The following TCF12 variants were observed in gnomAD, a reference collection of about 807,000 sequenced individuals.
The protein encoded by TCF12 is transcription factor 12.
In TCF12, 45 loss-of-function variants were observed where a neutral mutation model predicts 86.0. That is an observed-to-expected ratio of 0.52 (90% CI 0.41 to 0.67). TCF12 has a LOEUF of 0.67. Among genes scored for constraint, TCF12 ranks in the 30% least tolerant of loss-of-function variants. TCF12 has a pLI of 0.00. For synonymous variants in TCF12, 330 were observed against 299.6 expected, an observed-to-expected ratio of 1.10 and a Z score of -1.05; for missense variants, 881 against 859.9, an observed-to-expected ratio of 1.02 and a Z score of -0.31.
At chr15:57,200,534 A>T (rs2151757670) in intron 8 of TCF12, among the ~76,000 whole-genome samples, 1 of 152,346 alleles carries the variant, frequency 6.6e-6, no homozygotes, top group South Asian at 2.1e-4. Context: ...TGGCAGTAGC[A>T]TTCAGGATTT....
At chr15:57,098,412 G>T (rs1319965440) in intron 5 of TCF12, among the ~76,000 whole-genome samples, 2 of 152,104 alleles carry the variant, frequency 1.3e-5, no homozygotes, top group Non-Finnish European at 2.9e-5. Flanking sequence ...GAGTTGTTGA[G>T]TACCTTCCTC....
intron 6 of TCF12, among the ~76,000 whole-genome samples, chr15:57,188,412 G>C (rs1396096017): frequency 1.3e-5 from 2 of 152,136 alleles, no homozygotes; most frequent in Non-Finnish European, 2.9e-5. Flanking sequence ...GCAATCTGTG[G>C]ATTCAATGCA....
chr15:57,019,531 G>A (rs780665102), intron 3 of TCF12, among the ~76,000 whole-genome samples: 10 of 152,070 alleles, frequency 6.6e-5, no homozygotes, highest in Non-Finnish European at 1.0e-4. Flanking sequence ...GGAGGATAGG[G>A]AATTATCCTG....
chr15:57,027,867 C>T (rs546139750), intron 3 of TCF12, among the ~76,000 whole-genome samples: 133 of 152,272 alleles, frequency 8.7e-4, no homozygotes, highest in African/African-American at 2.7e-3. Flanking sequence ...TCTTGCCTGC[C>T]GCCATGCAAG....
intron 3 of TCF12, among the ~76,000 whole-genome samples, chr15:56,929,608 T>C (rs569789912): frequency 1.3e-5 from 2 of 152,232 alleles, no homozygotes; most frequent in South Asian, 4.2e-4. Flanking sequence ...AAAGATCACA[T>C]TTAAAGATCC....
chr15:57,283,906 A>G (rs547776313), intron 20 of TCF12, among the ~76,000 whole-genome samples: 1 of 152,330 alleles, frequency 6.6e-6, no homozygotes, highest in South Asian at 2.1e-4. Context: ...AGAAGATTTC[A>G]TTTAGGGTAA....
At chr15:57,057,275 C>G (rs1408299697) in intron 3 of TCF12, among the ~76,000 whole-genome samples, 1 of 152,208 alleles carries the variant, frequency 6.6e-6, no homozygotes, top group Non-Finnish European at 1.5e-5. Flanking sequence ...ATTCTATCCT[C>G]ACTTTCTAGT....
At chr15:57,236,579 T>A (rs1234850559) in intron 12 of TCF12, among the ~76,000 whole-genome samples, 1 of 152,204 alleles carries the variant, frequency 6.6e-6, no homozygotes, top group Non-Finnish European at 1.5e-5. Flanking sequence ...TTGTCTAATA[T>A]ATGTCTTAAA....
intron 13 of TCF12, 156 bp from the exon 14 acceptor site, chr15:57,251,194 G>A (rs886714155): frequency 4.0e-6 from 2 of 498,240 alleles, no homozygotes; most frequent in Admixed American, 7.5e-5. Context: ...TTTTTAAAAT[G>A]TGTTGGGCTT....
chr15:56,974,617 A>AGC (rs2062509922), intron 3 of TCF12, among the ~76,000 whole-genome samples: 1 of 152,086 alleles, frequency 6.6e-6, no homozygotes, highest in African/African-American at 2.4e-5. Context: ...TAGTATTTAC[A>AGC]ACAATCCTGC....
rs561058382 is a variant in TCF12, at chr15:57,026,123, T to C, written c.149-37627T>C. Among the ~76,000 whole-genome samples, 11 of 152,328 alleles carry C rather than the reference T, an allele frequency of 7.2e-5. No individual in the cohort carries two copies. In the South Asian group the frequency reaches 1.7e-3, roughly 23 times the overall value. On this transcript the variant is annotated intron_variant, in intron 3 of 20. Transcript: ENST00000333725. Reference sequence around the variant, plus strand: ...CTTTTTGGAAAGGACCAGGTAAACATTGTGGGCTTTGTGTCACCACTTAAC... The same window carrying C: ...CTTTTTGGAAAGGACCAGGTAAACACTGTGGGCTTTGTGTCACCACTTAAC...
rs75434385 is a variant in TCF12 at position 57,252,882 on chromosome 15, C to G, written c.1261-380C>G. On this transcript the variant is annotated intron_variant, in intron 15 of 20. Transcript: ENST00000333725. ...ACTTACTGGATTTGAGGTCCCTTCC[C>G]CAAATTGCCATCATTCAAAGATCAG... Among the ~76,000 whole-genome samples the G allele has an allele frequency of 2.6e-3, 389 of 151,592 alleles. 1 individual carries two copies. Among genetic ancestry groups the G allele is most frequent in the African/African-American group, 8.9e-3 (367 of 41,314 alleles).
chr15:57,135,379 A>T (rs185348571), intron 5 of TCF12, among the ~76,000 whole-genome samples: 3 of 152,212 alleles, frequency 2.0e-5, no homozygotes, highest in African/African-American at 7.2e-5. Context: ...GTAAAATGCT[A>T]TGAAAGAGAC....
intron 3 of TCF12, among the ~76,000 whole-genome samples, chr15:56,931,494 T>G (rs1275949345): frequency 6.6e-6 from 1 of 152,160 alleles, no homozygotes; most frequent in African/African-American, 2.4e-5. Flanking sequence ...CTTTTTTGAA[T>G]TTTTACTGAG....
intron 5 of TCF12, among the ~76,000 whole-genome samples, chr15:57,141,154 C>T (rs1355177073): frequency 6.6e-6 from 1 of 152,138 alleles, no homozygotes; most frequent in African/African-American, 2.4e-5. Context: ...AATACTTCTC[C>T]ACTGGTATCA....
chr15:57,013,367 A>G (rs796115170), intron 3 of TCF12, among the ~76,000 whole-genome samples: 1 of 152,212 alleles, frequency 6.6e-6, no homozygotes, highest in African/African-American at 2.4e-5. Context: ...CTGGAGTGCA[A>G]TGGCACGATC....
chr15:57,208,710 T>A (rs192213642), intron 8 of TCF12, among the ~76,000 whole-genome samples: 2,619 of 145,008 alleles, frequency 0.018, 40 homozygotes, highest in Admixed American at 0.024. Context: ...TAAAAAAAAA[T>A]TTTTTTTTTT....
At chr15:57,075,078 A>G (rs1389842799) in intron 4 of TCF12, among the ~76,000 whole-genome samples, 1 of 152,214 alleles carries the variant, frequency 6.6e-6, no homozygotes, top group Non-Finnish European at 1.5e-5. Context: ...TTACATCATA[A>G]TCAGTTTGTT....
intron 3 of TCF12, among the ~76,000 whole-genome samples, chr15:57,026,682 T>C (rs375814180): frequency 6.6e-5 from 10 of 152,114 alleles, no homozygotes; most frequent in African/African-American, 2.4e-4. Flanking sequence ...TTTATATATT[T>C]TAATTTACGT....
Sources: gnomAD v4.1 joint callset for allele counts (sites outside exome capture counted in the v4.1 genomes callset) on GRCh38, gnomAD v4.1.1 for gene constraint, MANE v1.5 for transcripts, NCBI Gene and HGNC (gene_info 2026-07-23, HGNC 2026-07-21) for gene names.